Variants in PDE4D observed in about 807,000 individuals in gnomAD.
The protein encoded by PDE4D is phosphodiesterase 4D, also known as 3',5'-cyclic-AMP phosphodiesterase 4D.
In PDE4D, 24 loss-of-function variants were observed where a neutral mutation model predicts 87.4. The ratio of observed to expected loss-of-function variants is 0.27; its 90% CI spans 0.20 to 0.39. The LOEUF (loss-of-function observed/expected upper bound fraction) is 0.39. Among genes scored for constraint, PDE4D ranks in the 10% least tolerant of loss-of-function variants. The probability of loss-of-function intolerance (pLI) is 1.00; values close to 1 mark genes in which losing one functional copy is unlikely to be tolerated. For synonymous variants in PDE4D, 384 were observed against 383.2 expected, an observed-to-expected ratio of 1.00 and a Z score of -0.02; for missense variants, 714 against 1,041.0, an observed-to-expected ratio of 0.69 and a Z score of 4.32.
rs148541138 is a variant in PDE4D, at chr5:59,881,260, T to C, written c.455+11908A>G. On this transcript the variant is annotated intron_variant, in intron 1 of 14. Transcript: ENST00000340635. Reference sequence around the variant, plus strand: ...AGAATGAATTGAGCCAGAGTATTTATAATTTATTAATAAATGTTAAATAAT... The same window carrying C: ...AGAATGAATTGAGCCAGAGTATTTACAATTTATTAATAAATGTTAAATAAT... Among the ~76,000 whole-genome samples, 68 of 152,318 alleles carry C rather than the reference T, an allele frequency of 4.5e-4. 4 individuals are homozygous for C. The highest frequency in any genetic ancestry group is 1.2e-3 in the Admixed American group (19 of 15,302).
At chr5:59,489,861 T>C (rs1160499736) in intron 1 of PDE4D, among the ~76,000 whole-genome samples, 2 of 152,216 alleles carry the variant, frequency 1.3e-5, no homozygotes, top group African/African-American at 2.4e-5. Context: ...CAGTTTTCTA[T>C]AGAGCACATC....
chr5:59,339,563 C>T (rs756456971), intron 1 of PDE4D, among the ~76,000 whole-genome samples: 7 of 152,162 alleles, frequency 4.6e-5, no homozygotes, highest in African/African-American at 7.2e-5. Flanking sequence ...ATGTTTAAGA[C>T]GGTAACGATA....
intron 2 of PDE4D, among the ~76,000 whole-genome samples, chr5:59,993,188 T>A (rs1465120985): frequency 3.3e-5 from 5 of 152,284 alleles, no homozygotes; most frequent in African/African-American, 1.2e-4. Context: ...TTCCAGATCT[T>A]CCTAAACACA....
At position 59,440,650 on chromosome 5, in the gene PDE4D, C is replaced by T. The variant is rs551396105; in HGVS notation, c.456-224682G>A. Among the ~76,000 whole-genome samples the T allele has an allele frequency of 2.6e-5, 4 of 152,274 alleles. No individual in the cohort carries two copies. The East Asian group carries it at 7.7e-4, about 29-fold the overall frequency. On this transcript the variant is annotated intron_variant, in intron 1 of 14. Coordinates refer to ENST00000340635, the MANE Select transcript of PDE4D (RefSeq NM_001104631.2). Reference sequence around the variant, plus strand: ...AATTAGCTGTGCATAGTGGTGTATGCCTCTAATGCCAGCTATTCAGGAGGC... The same window carrying T: ...AATTAGCTGTGCATAGTGGTGTATGTCTCTAATGCCAGCTATTCAGGAGGC...
At chr5:59,127,928 T>A (rs780046057) in intron 5 of PDE4D, among the ~76,000 whole-genome samples, 5 of 151,784 alleles carry the variant, frequency 3.3e-5, no homozygotes, top group Middle Eastern at 3.2e-3. Context: ...CTTTGTTCCT[T>A]AGCGTTCTGT....
chr5:60,184,298 A>G (rs1020762365), intron 2 of PDE4D, among the ~76,000 whole-genome samples: 4 of 152,168 alleles, frequency 2.6e-5, no homozygotes, highest in African/African-American at 9.7e-5. Flanking sequence ...AGAAAACATT[A>G]TATGAATAGT....
rs137969980 is a variant in PDE4D at position 59,031,362 on chromosome 5, GATATATATATATAT to G, written c.921+7483_921+7496del. On this transcript the variant is annotated intron_variant, in intron 6 of 14. Coordinates refer to ENST00000340635, the MANE Select transcript of PDE4D (RefSeq NM_001104631.2). ...CATCAAGTGTGCATAAAGAAAATGT[GATATATATATATAT>G]ATATATATATATATATTATATATAT... is the stretch of plus-strand genomic sequence containing the variant. Among the ~76,000 whole-genome samples the G allele has an allele frequency of 1.7e-4, 19 of 111,860 alleles. No individual in the cohort carries two copies. The East Asian group carries it at 1.9e-3, about 11-fold the overall frequency. The allele number at this position is 111,860 out of a possible 152,430, so 73.4% of individuals were successfully genotyped here.
intron 1 of PDE4D, among the ~76,000 whole-genome samples, chr5:59,566,587 A>AGC (rs1820964811): frequency 1.4e-5 from 2 of 144,848 alleles, no homozygotes; most frequent in Non-Finnish European, 3.0e-5. Flanking sequence ...TGTGTGTGAG[A>AGC]GAATGAGAGA....
chr5:60,286,909 A>G (rs188881435), intron 1 of PDE4D, among the ~76,000 whole-genome samples: 2 of 152,338 alleles, frequency 1.3e-5, no homozygotes, highest in African/African-American at 4.8e-5. Flanking sequence ...CAAAGGGATG[A>G]GAACTTCCTG....
chr5:60,381,750 T>C (rs1233937078), intron 1 of PDE4D, among the ~76,000 whole-genome samples: 2 of 152,054 alleles, frequency 1.3e-5, no homozygotes, highest in African/African-American at 2.4e-5. Context: ...GGTAGGAACA[T>C]CCAATGGGCA....
chr5:59,000,052 G>A (rs540431703), intron 6 of PDE4D: 37 of 309,170 alleles, frequency 1.2e-4, no homozygotes, highest in Non-Finnish European at 1.7e-4. Context: ...AGGCTGCTTT[G>A]GGATTGGTTG....
chr5:59,980,504 G>C (rs1163324469), intron 3 of PDE4D, among the ~76,000 whole-genome samples: 5 of 152,230 alleles, frequency 3.3e-5, no homozygotes, highest in Non-Finnish European at 7.3e-5. Context: ...TGATGTTGGT[G>C]AACGCAGAAG....
At chr5:59,813,445 TACACACACACACAC>T (rs35313403) in intron 1 of PDE4D, among the ~76,000 whole-genome samples, 1,836 of 143,154 alleles carry the variant, frequency 0.013, 45 homozygotes, top group African/African-American at 0.043. Flanking sequence ...CATACACTTG[TACACACACACACAC>T]ACACACACAC....
At chr5:59,762,666 ACG>A (rs1762256744) in intron 1 of PDE4D, among the ~76,000 whole-genome samples, 3 of 129,464 alleles carry the variant, frequency 2.3e-5, no homozygotes, top group South Asian at 2.3e-4. Context: ...GTATATAGGT[ACG>A]TATGTGTATA....
intron 5 of PDE4D, among the ~76,000 whole-genome samples, chr5:59,047,711 G>C (rs1159248527): frequency 6.6e-6 from 1 of 152,220 alleles, no homozygotes; most frequent in Non-Finnish European, 1.5e-5. Flanking sequence ...CTGAATGTTT[G>C]TGTCTCTCCA....
At chr5:59,324,197 G>T (rs188182892) in intron 1 of PDE4D, among the ~76,000 whole-genome samples, 2 of 152,216 alleles carry the variant, frequency 1.3e-5, no homozygotes, top group Admixed American at 6.5e-5. Flanking sequence ...CCCTTCTTGC[G>T]TGTTCCTACA....
At chr5:60,252,104 T>C (rs184779112) in intron 1 of PDE4D, among the ~76,000 whole-genome samples, 1 of 152,050 alleles carries the variant, frequency 6.6e-6, no homozygotes, top group Non-Finnish European at 1.5e-5. Flanking sequence ...CCTAGGTGTA[T>C]ACTAAGCTAT....
chr5:59,865,308 C>T (rs1297095570), intron 1 of PDE4D, among the ~76,000 whole-genome samples: 2 of 152,102 alleles, frequency 1.3e-5, no homozygotes, highest in South Asian at 2.1e-4. Context: ...GTATGAGTAA[C>T]GAATATATTT....
chr5:60,257,218 GAAAGAGAAAGAA>G (rs372565436), intron 1 of PDE4D, among the ~76,000 whole-genome samples: 2,084 of 84,358 alleles, frequency 0.025, 61 homozygotes, highest in African/African-American at 0.087. Context: ...ATGAAAGAAA[GAAAGAGAAAGAA>G]AGAAAGAAAG....
Sources: allele counts gnomAD v4.1 joint callset (sites outside exome capture counted in the v4.1 genomes callset), GRCh38; gene constraint gnomAD v4.1.1; transcripts MANE v1.5; gene names NCBI Gene and HGNC (gene_info 2026-07-23, HGNC 2026-07-21).